The following PLAG1 variants were observed in gnomAD, a reference collection of about 807,000 sequenced individuals.
PLAG1 encodes PLAG1 zinc finger.
A neutral mutation model predicts 35.5 loss-of-function variants in PLAG1; 7 were observed. The ratio of observed to expected loss-of-function variants is 0.20; its 90% CI spans 0.11 to 0.37. PLAG1 has a LOEUF of 0.37. PLAG1 is among the 10% of genes least tolerant of loss of function. The pLI is 1.00. For synonymous variants in PLAG1, 229 were observed against 225.4 expected (o/e 1.02, Z -0.14); for missense variants, 454 against 602.8 (o/e 0.75, Z 2.58).
intron 1 of PLAG1, among the ~76,000 whole-genome samples, chr8:56,196,760 C>T (rs1419126638): frequency 6.6e-6 from 1 of 152,062 alleles, no homozygotes; most frequent in African/African-American, 2.4e-5. Flanking sequence ...TGTGGGCCTC[C>T]CTCCTGCCTC....
chr8:56,181,058 CAGGAA>C (rs1811850582), intron 1 of PLAG1, among the ~76,000 whole-genome samples: 1 of 152,134 alleles, frequency 6.6e-6, no homozygotes, highest in South Asian at 2.1e-4. Flanking sequence ...ATTAAATAGT[CAGGAA>C]ACAACAGATG....
At chr8:56,193,983 G>A (rs1345977034) in intron 1 of PLAG1, among the ~76,000 whole-genome samples, 1 of 152,092 alleles carries the variant, frequency 6.6e-6, no homozygotes, top group African/African-American at 2.4e-5. Flanking sequence ...CTTCCAAAGT[G>A]CTGGGATTAC....
chr8:56,197,719 T>A (rs1812425207), intron 1 of PLAG1, among the ~76,000 whole-genome samples: 1 of 152,206 alleles, frequency 6.6e-6, no homozygotes, highest in Non-Finnish European at 1.5e-5. Flanking sequence ...GGGGTGTGCA[T>A]CCTTTTCCCT....
chr8:56,166,222 A>T lies in PLAG1; in HGVS notation c.*21T>A. 6.5e-7 allele frequency: 1 copy of T among 1,527,976 alleles called. No individual in the cohort carries two copies. Among genetic ancestry groups the T allele is most frequent in the Non-Finnish European group, 8.8e-7 (1 of 1,133,170 alleles). 94.7% of individuals were successfully genotyped at this position (1,527,976 alleles called of 1,614,324 possible). On this transcript the variant is annotated 3_prime_UTR_variant, in exon 5 of 5. Transcript: ENST00000316981. ...GCACAGCTACACATACATTTCTGTA[A>T]TGAATCCATGTCCCAGAATCCTACT...
chr8:56,184,982 CA>C, intron 1 of PLAG1, among the ~76,000 whole-genome samples: 1 of 152,136 alleles, frequency 6.6e-6, no homozygotes, highest in Admixed American at 6.5e-5. Context: ...AACAAATGAA[CA>C]AGTTGTAGTA....
chr8:56,164,192 A>T lies in PLAG1; in HGVS notation c.*2051T>A, dbSNP rs1362263456. 1.6e-5 allele frequency: 3 copies of T among 192,160 alleles called. No individual in the cohort carries two copies. The highest frequency in any genetic ancestry group is 7.0e-5 in the African/African-American group (3 of 43,058). The allele number at this position is 192,160 out of a possible 1,614,324, so 11.9% of individuals were successfully genotyped here. A position where few individuals can be genotyped will look rare whatever the true frequency, so the allele number is the denominator to read the frequency against. On this transcript the variant is annotated 3_prime_UTR_variant, in exon 5 of 5. Transcript: ENST00000316981. ...TTAATAAATGTAATTTTTCATAATA[A>T]AATTTAAATACATAAGTATAAAAAC...
Position 56,189,013 on chromosome 8 carries a change from C to A in PLAG1, c.-321-9500G>T, listed in dbSNP as rs150565719. Among the ~76,000 whole-genome samples, 391 of 152,286 alleles carry A rather than the reference C, an allele frequency of 2.6e-3. 2 individuals carry two copies. The highest frequency in any genetic ancestry group is 8.9e-3 in the African/African-American group (371 of 41,550). ...TTCCACTGGGTCCCAGTGAAGGCCA[C>A]AAAATGTAAGCTCTATCAGAACAGG... is the stretch of plus-strand genomic sequence containing the variant. On this transcript the variant is annotated intron_variant, in intron 1 of 4. Transcript: ENST00000316981.
intron 1 of PLAG1, among the ~76,000 whole-genome samples, chr8:56,183,499 G>A (rs1811933229): frequency 6.6e-6 from 1 of 152,110 alleles, no homozygotes; most frequent in Non-Finnish European, 1.5e-5. Flanking sequence ...ATTGTAAAAA[G>A]CAGGACATAC....
chr8:56,188,445 C>A, intron 1 of PLAG1, among the ~76,000 whole-genome samples: 1 of 152,202 alleles, frequency 6.6e-6, no homozygotes, highest in East Asian at 1.9e-4. Context: ...TTCTTACACT[C>A]TTGTTTACCC....
At chr8:56,191,623 C>CTT (rs949545574) in intron 1 of PLAG1, among the ~76,000 whole-genome samples, 1 of 147,820 alleles carries the variant, frequency 6.8e-6, no homozygotes, top group South Asian at 2.1e-4. Flanking sequence ...AATTTCAATC[C>CTT]TTTTTTTTTT....
At chr8:56,182,267 A>G (rs530378795) in intron 1 of PLAG1, among the ~76,000 whole-genome samples, 4 of 152,348 alleles carry the variant, frequency 2.6e-5, no homozygotes, top group Non-Finnish European at 2.9e-5. Context: ...AATAAGATTT[A>G]CTAGAAGAAA....
intron 1 of PLAG1, among the ~76,000 whole-genome samples, chr8:56,191,843 A>G (rs1812193323): frequency 6.6e-6 from 1 of 151,916 alleles, no homozygotes; most frequent in Non-Finnish European, 1.5e-5. Flanking sequence ...GGAGGAACAC[A>G]GGTTCTGAAC....
intron 1 of PLAG1, among the ~76,000 whole-genome samples, chr8:56,206,004 A>G (rs1812689422): frequency 2.0e-5 from 3 of 152,036 alleles, no homozygotes; most frequent in South Asian, 2.1e-4. Flanking sequence ...TTAATGCAGC[A>G]TAACACTACC....
At chr8:56,195,439 A>T (rs1812330622) in intron 1 of PLAG1, among the ~76,000 whole-genome samples, 1 of 152,178 alleles carries the variant, frequency 6.6e-6, no homozygotes, top group South Asian at 2.1e-4. Flanking sequence ...GTCACTTCCC[A>T]GTTCACGGGG....
chr8:56,209,812 A>C (rs1812802579), intron 1 of PLAG1, among the ~76,000 whole-genome samples: 1 of 152,154 alleles, frequency 6.6e-6, no homozygotes, highest in Admixed American at 6.6e-5. Context: ...AGTTTAAAGA[A>C]AGGAGGGAGC....
intron 2 of PLAG1, 179 bp from the exon 3 acceptor site, chr8:56,171,368 G>A (rs1357428910): frequency 6.6e-6 from 1 of 152,124 alleles, no homozygotes; most frequent in Non-Finnish European, 1.5e-5. Context: ...GCACATTTAC[G>A]TGACCAAATA....
At chr8:56,208,614 C>T (rs1435753783) in intron 1 of PLAG1, among the ~76,000 whole-genome samples, 2 of 152,032 alleles carry the variant, frequency 1.3e-5, no homozygotes, top group East Asian at 1.9e-4. Flanking sequence ...AATTTTAATC[C>T]ATGTCTATAA....
chr8:56,167,106 G>A lies in PLAG1; in HGVS notation c.640C>T (p.Leu214Phe). 6.2e-7 allele frequency: 1 copy of A among 1,614,110 alleles called. No homozygotes were observed. Among genetic ancestry groups the A allele is most frequent in the Non-Finnish European group, 8.5e-7 (1 of 1,180,010 alleles). Residue 214 changes from leucine to phenylalanine, a missense_variant, in exon 5 of 5, where the codon CTC (leucine) becomes TTC (phenylalanine). By Grantham distance (22) the Leu-to-Phe change is conservative. This residue lies in a region of PLAG1 where 9 missense variants were observed against 37.4 expected (regional missense o/e 0.24). Coordinates refer to ENST00000316981, the MANE Select transcript of PLAG1 (RefSeq NM_002655.3). The surrounding 1 kb of genome is among the most constrained non-coding windows in gnomAD (Gnocchi z 5.9). The stretch of plus-strand genomic sequence containing the variant: ...AATCTCTGTGCACAATACTGACAGA[G>A]GAAGTCCTTTCTTCCAGTGTGCACC... The part of the protein sequence containing the change: ...MVVHTGRKDF[L>F]CQYCAQRFGR...
chr8:56,187,757 AATG>A (rs1812062836), intron 1 of PLAG1, among the ~76,000 whole-genome samples: 1 of 115,060 alleles, frequency 8.7e-6, no homozygotes, highest in Non-Finnish European at 2.2e-5. Context: ...GCTCATATAT[AATG>A]AGATTTGTAT....
Sources: gnomAD v4.1 joint callset for allele counts (sites outside exome capture counted in the v4.1 genomes callset) on GRCh38, gnomAD v4.1.1 for gene constraint, gnomAD v4.1.1 regional missense constraint, Gnocchi (gnomAD v3.1) non-coding constraint, MANE v1.5 for transcripts, NCBI Gene and HGNC (gene_info 2026-07-23, HGNC 2026-07-21) for gene names.